SH3BGR: variants seen among roughly 807,000 people sequenced by gnomAD.
SH3BGR encodes the protein SH3 domain binding glutamate rich protein.
A neutral mutation model predicts 24.5 loss-of-function variants in SH3BGR; 29 were observed. The ratio of observed to expected loss-of-function variants is 1.18; its 90% CI spans 0.88 to 1.61. The LOEUF (loss-of-function observed/expected upper bound fraction) is 1.61, where lower values mean the gene tolerates loss of function less well. Among genes scored for constraint, SH3BGR ranks in the 40% most tolerant of loss-of-function variants. The pLI is 0.00. For missense variants in SH3BGR, 162 were observed against 205.8 expected (o/e 0.79, Z 1.30); for synonymous variants, 55 against 65.7 (o/e 0.84, Z 0.79).
At chr21:39,463,519 C>T (rs1046214377) in intron 2 of SH3BGR, among the ~76,000 whole-genome samples, 48 of 152,234 alleles carry the variant, frequency 3.2e-4, no homozygotes, top group African/African-American at 1.1e-3. Flanking sequence ...GGGAATGTCT[C>T]AGCGCCATGC....
chr21:39,482,756 G>A (rs2078150746), intron 3 of SH3BGR, among the ~76,000 whole-genome samples: 1 of 152,028 alleles, frequency 6.6e-6, no homozygotes, highest in South Asian at 2.1e-4. Flanking sequence ...TGCGACCTCT[G>A]CCTCCTGGGT....
At chr21:39,472,597 T>A (rs1202444866) in intron 2 of SH3BGR, among the ~76,000 whole-genome samples, 1 of 152,214 alleles carries the variant, frequency 6.6e-6, no homozygotes, top group Admixed American at 6.5e-5. Flanking sequence ...TTTTTTAGGA[T>A]CACACATGGC....
intron 3 of SH3BGR, among the ~76,000 whole-genome samples, chr21:39,484,785 G>T (rs2078183266): frequency 6.6e-6 from 1 of 152,206 alleles, no homozygotes; most frequent in Non-Finnish European, 1.5e-5. Context: ...TGTCAGCATT[G>T]CTTAGGTTGA....
At chr21:39,487,282 G>T (rs1874508354) in intron 3 of SH3BGR, among the ~76,000 whole-genome samples, 1 of 151,792 alleles carries the variant, frequency 6.6e-6, no homozygotes. Flanking sequence ...AACTGGGACC[G>T]CAGATATGCA....
At chr21:39,500,462 T>A (rs502747) in intron 4 of SH3BGR, among the ~76,000 whole-genome samples, 1 of 152,078 alleles carries the variant, frequency 6.6e-6, no homozygotes, top group Non-Finnish European at 1.5e-5. Flanking sequence ...TCCCATGCAG[T>A]AGCAGCAGGG....
In SH3BGR at chr21:39,515,275, A is replaced by G. The variant is rs1359345388; in HGVS notation, c.*222A>G. ...GTGAAGACCGTTTATGCATACCTTC[A>G]TGTGCCTGACAGTCTTGGCTTTTGA... On this transcript the variant is annotated 3_prime_UTR_variant, in exon 7 of 7. Transcript: ENST00000333634. 2 of 298,416 alleles carry G rather than the reference A, an allele frequency of 6.7e-6. No homozygotes were observed. The highest frequency in any genetic ancestry group is 1.4e-5 in the Non-Finnish European group (2 of 142,692). The allele number at this position is 298,416 out of a possible 1,614,324, so 18.5% of individuals were successfully genotyped here.
chr21:39,492,409 A>G, intron 3 of SH3BGR, among the ~76,000 whole-genome samples: 1 of 150,752 alleles, frequency 6.6e-6, no homozygotes, highest in East Asian at 2.0e-4. Context: ...AATGCCATTA[A>G]TTCATTCCTT....
intron 3 of SH3BGR, among the ~76,000 whole-genome samples, chr21:39,485,633 A>C (rs1329675785): frequency 6.6e-6 from 1 of 152,054 alleles, no homozygotes; most frequent in East Asian, 1.9e-4. Flanking sequence ...GCTTCTCAAC[A>C]AAAGTTCTGG....
chr21:39,477,958 A>T (rs1444750241), intron 3 of SH3BGR, among the ~76,000 whole-genome samples: 1 of 152,198 alleles, frequency 6.6e-6, no homozygotes, highest in Admixed American at 6.5e-5. Flanking sequence ...AACTGAGCTA[A>T]TTAACATCTG....
intron 4 of SH3BGR, among the ~76,000 whole-genome samples, chr21:39,505,886 GT>G (rs2078574262): frequency 6.6e-6 from 1 of 152,132 alleles, no homozygotes; most frequent in Non-Finnish European, 1.5e-5. Flanking sequence ...ACAGTATCTG[GT>G]TAATTCATTT....
intron 4 of SH3BGR, among the ~76,000 whole-genome samples, chr21:39,503,970 G>A (rs1021154371): frequency 1.3e-5 from 2 of 152,326 alleles, no homozygotes. Flanking sequence ...AGGAGTAAAG[G>A]AGGAAAACAG....
intron 2 of SH3BGR, among the ~76,000 whole-genome samples, chr21:39,464,230 CT>C (rs1022297860): frequency 6.6e-6 from 1 of 151,500 alleles, no homozygotes; most frequent in East Asian, 1.9e-4. Context: ...AGGTAACCCT[CT>C]TTTTTTTTGA....
At chr21:39,457,416 GATT>G (rs1251024194) in intron 1 of SH3BGR, among the ~76,000 whole-genome samples, 1 of 138,408 alleles carries the variant, frequency 7.2e-6, no homozygotes, top group African/African-American at 2.6e-5. Flanking sequence ...TTATATATAA[GATT>G]ATTATATATT....
At chr21:39,497,486 AT>A (rs1475926207) in intron 3 of SH3BGR, among the ~76,000 whole-genome samples, 1 of 151,970 alleles carries the variant, frequency 6.6e-6, no homozygotes, top group Non-Finnish European at 1.5e-5. Flanking sequence ...ACTAAAAAAA[AT>A]ACAACAAAAT....
chr21:39,451,587 T>C (rs2077574958), upstream of SH3BGR, among the ~76,000 whole-genome samples: 1 of 152,208 alleles, frequency 6.6e-6, no homozygotes. Flanking sequence ...CCTTCCAGTT[T>C]ATTTGTTTGC....
At chr21:39,484,627 A>G (rs2078181062) in intron 3 of SH3BGR, among the ~76,000 whole-genome samples, 1 of 152,182 alleles carries the variant, frequency 6.6e-6, no homozygotes, top group Non-Finnish European at 1.5e-5. Flanking sequence ...CCACAGGATT[A>G]TGAAACCTGG....
At chr21:39,508,002 G>A (rs1019367273) in intron 4 of SH3BGR, among the ~76,000 whole-genome samples, 1 of 152,190 alleles carries the variant, frequency 6.6e-6, no homozygotes, top group African/African-American at 2.4e-5. Context: ...TTAGGAATCA[G>A]TAGACTTGCA....
At chr21:39,501,989 A>G (rs139593297) in intron 4 of SH3BGR, among the ~76,000 whole-genome samples, 17 of 152,352 alleles carry the variant, frequency 1.1e-4, no homozygotes, top group African/African-American at 4.1e-4. Context: ...TCTGGCCAAC[A>G]TGGTAAAACC....
chr21:39,458,101 A>G (rs888266702), intron 1 of SH3BGR, among the ~76,000 whole-genome samples: 3 of 152,208 alleles, frequency 2.0e-5, no homozygotes, highest in East Asian at 3.8e-4. Context: ...GCATCGAGAT[A>G]TTAGATTTGG....
Sources: allele counts gnomAD v4.1 joint callset (sites outside exome capture counted in the v4.1 genomes callset), GRCh38; gene constraint gnomAD v4.1.1; transcripts MANE v1.5; gene names NCBI Gene and HGNC (gene_info 2026-07-23, HGNC 2026-07-21).